The following TMEM183A variants were observed in gnomAD, a reference collection of about 807,000 sequenced individuals.
The protein encoded by TMEM183A is chromosome 1 open reading frame 37.
In TMEM183A, 21 loss-of-function variants were observed where a neutral mutation model predicts 46.7. The observed-to-expected ratio is 0.45, with a 90% CI of 0.32 to 0.65. TMEM183A has a LOEUF of 0.65. Among genes scored for constraint, TMEM183A ranks in the 30% least tolerant of loss-of-function variants. The pLI is 0.04. For synonymous variants in TMEM183A, 165 were observed against 180.2 expected (o/e 0.92, Z 0.68); for missense variants, 331 against 481.9 (o/e 0.69, Z 2.93).
In TMEM183A at chr1:203,007,497, C is replaced by T. The variant is rs893881558; in HGVS notation, c.32C>T (p.Pro11Leu). 2.6e-6 allele frequency: 4 copies of T among 1,517,478 alleles called. No individual in the cohort carries two copies. The highest frequency in any genetic ancestry group is 1.2e-5 in the South Asian group (1 of 83,238). The allele number at this position is 1,517,478 out of a possible 1,614,324, so 94.0% of individuals were successfully genotyped here. Residue 11 changes from proline to leucine, a missense_variant, in exon 1 of 8, where the codon CCT becomes CTT. Pro to Leu is a moderately conservative substitution (Grantham distance 98). Around this residue, in one of 2 missense-constraint regions of TMEM183A, gnomAD observed 98 missense variants for 96.1 expected, o/e 1.02. Transcript: ENST00000367242. The part of the protein sequence containing the change: MARGPGPLGR[P>L]RPDTVAMPKR... Reference sequence around the variant, plus strand: ...CGGGGGCCCGGCCCGCTAGGCAGGCCTCGCCCCGATACGGTCGCCATGCCC... The same window carrying T: ...CGGGGGCCCGGCCCGCTAGGCAGGCTTCGCCCCGATACGGTCGCCATGCCC...
chr1:203,017,119 G>A (rs905942687), intron 5 of TMEM183A, among the ~76,000 whole-genome samples: 1 of 152,142 alleles, frequency 6.6e-6, no homozygotes. Context: ...AGGGCTGTTG[G>A]CTGAGCTCAA....
intron 3 of TMEM183A, among the ~76,000 whole-genome samples, chr1:203,012,969 CT>C (rs1190794850): frequency 1.3e-5 from 2 of 152,226 alleles, no homozygotes; most frequent in African/African-American, 2.4e-5. Context: ...ATCCTCCCAC[CT>C]TGGCCTCCCA....
In TMEM183A at chr1:203,018,531, G is replaced by A. The variant is rs1006267263; in HGVS notation, c.759G>A (p.Met253Ile). 3.1e-6 allele frequency: 5 copies of A among 1,613,436 alleles called. No individual in the cohort carries two copies. The Admixed American group carries it at 8.3e-5, about 27-fold the overall frequency. The change falls in exon 6 of 8, where the codon ATG (methionine) becomes ATA (isoleucine). Residue 253 changes from methionine to isoleucine, a missense_variant. This residue lies in a region of TMEM183A where 233 missense variants were observed against 385.8 expected (regional missense o/e 0.60). Transcript: ENST00000367242. ...RKIVGNRQEP[M>I]WEFNFKFKKQ... is the part of the protein sequence containing the mutation. ...TTGTTGGGAACAGACAGGAACCAAT[G>A]TGGGAATTCAACTTCAAGTTCAAAA...
intron 3 of TMEM183A, among the ~76,000 whole-genome samples, chr1:203,009,765 T>TAAGC (rs1251335941): frequency 6.6e-6 from 1 of 152,182 alleles, no homozygotes; most frequent in African/African-American, 2.4e-5. Flanking sequence ...ATTACAGGCA[T>TAAGC]AAGCTACCAT....
chr1:203,012,160 A>T (rs896344332), intron 3 of TMEM183A, among the ~76,000 whole-genome samples: 3 of 127,444 alleles, frequency 2.4e-5, no homozygotes, highest in Non-Finnish European at 3.4e-5. Context: ...ACACACACAC[A>T]CACACACACA....
intron 2 of TMEM183A, among the ~76,000 whole-genome samples, 190 bp from the exon 3 acceptor site, chr1:203,008,453 C>CTTTTT (rs35395088): frequency 3.5e-4 from 37 of 106,092 alleles, no homozygotes; most frequent in African/African-American, 1.1e-3. Flanking sequence ...CATTGCTTTC[C>CTTTTT]TTTTTTTTTT....
chr1:203,017,175 C>T (rs1657244687), intron 5 of TMEM183A, among the ~76,000 whole-genome samples: 3 of 151,966 alleles, frequency 2.0e-5, no homozygotes, highest in Admixed American at 1.3e-4. Flanking sequence ...AGTAGAATGC[C>T]GGGAGAGTAG....
Position 203,022,132 on chromosome 1 carries a change from A to G in TMEM183A, c.946-723A>G, listed in dbSNP as rs556791411. On this transcript the variant is annotated intron_variant, in intron 7 of 7. Transcript: ENST00000367242. ...TCCATGCTGGAGTGCCGTGGTGCGCAGTCTCGGCTCCCTGCAACCTCTGTC... is the reference window on the plus strand; with the variant it reads ...TCCATGCTGGAGTGCCGTGGTGCGCGGTCTCGGCTCCCTGCAACCTCTGTC... 2.0e-5 allele frequency among the ~76,000 whole-genome samples: 3 copies of G among 152,114 alleles called. No homozygotes were observed. The East Asian group carries it at 5.8e-4, about 30-fold the overall frequency.
intron 7 of TMEM183A, among the ~76,000 whole-genome samples, chr1:203,022,424 T>G (rs1571627449): frequency 6.6e-6 from 1 of 152,074 alleles, no homozygotes; most frequent in East Asian, 2.0e-4. Context: ...AAAGGTTGGC[T>G]GGGCGTGGTG....
intron 2 of TMEM183A, among the ~76,000 whole-genome samples, chr1:203,008,381 TAC>T (rs1558034263): frequency 6.6e-6 from 1 of 152,124 alleles, no homozygotes; most frequent in Non-Finnish European, 1.5e-5. Context: ...GGAAAAATTG[TAC>T]ACACCTTTTT....
At position 203,011,942 on chromosome 1, in the gene TMEM183A, T is replaced by C. The variant is rs10920545; in HGVS notation, c.368-2947T>C. On this transcript the variant is annotated intron_variant, in intron 3 of 7. Transcript: ENST00000367242. ...GCAGGTATAATGTATTTTTCTTCTT[T>C]TTTTAAAAGCCTTTTTTTTAATGAA... 1.7e-3 allele frequency among the ~76,000 whole-genome samples: 261 copies of C among 151,882 alleles called. 2 individuals are homozygous for C. In the East Asian group the frequency reaches 0.038, roughly 22 times the overall value.
Position 203,024,006 on chromosome 1 carries a change from A to G in TMEM183A, c.*966A>G, listed in dbSNP as rs1381980116. 6.6e-6 allele frequency: 1 copy of G among 152,244 alleles called. No homozygotes were observed. The highest frequency in any genetic ancestry group is 1.5e-5 in the Non-Finnish European group (1 of 68,044). 9.4% of individuals were successfully genotyped at this position (152,244 alleles called of 1,614,324 possible). On this transcript the variant is annotated 3_prime_UTR_variant, in exon 8 of 8. Transcript: ENST00000367242. ...GAAGATTGATGAAATGATCTTTTAA[A>G]TATGTATTTCTGAATAAAATGTAAA...
intron 5 of TMEM183A, among the ~76,000 whole-genome samples, chr1:203,016,965 A>G (rs1237644916): frequency 1.3e-5 from 2 of 152,020 alleles, no homozygotes; most frequent in Admixed American, 6.6e-5. Context: ...GTTTGTTTTT[A>G]TGGTATTGCA....
intron 7 of TMEM183A, among the ~76,000 whole-genome samples, chr1:203,022,057 A>C (rs890310969): frequency 6.6e-6 from 1 of 152,038 alleles, no homozygotes; most frequent in Admixed American, 6.5e-5. Flanking sequence ...AGATTGTGTC[A>C]TATATACAGT....
intron 3 of TMEM183A, among the ~76,000 whole-genome samples, chr1:203,009,587 T>TC (rs1444041743): frequency 1.3e-5 from 2 of 152,076 alleles, no homozygotes; most frequent in South Asian, 2.1e-4. Context: ...GCTTAAGCGA[T>TC]CCCCCCATCT....
chr1:203,022,904 T>C lies in TMEM183A; in HGVS notation c.995T>C (p.Val332Ala). 6 of 1,613,532 alleles carry C rather than the reference T, an allele frequency of 3.7e-6. No homozygotes were observed. The highest frequency in any genetic ancestry group is 4.2e-6 in the Non-Finnish European group (5 of 1,179,768). The change falls in exon 8 of 8, where the codon GTG becomes GCG. Residue 332 changes from valine (V) to alanine (A), a missense_variant. Around this residue, in one of 2 missense-constraint regions of TMEM183A, gnomAD observed 233 missense variants for 385.8 expected, o/e 0.60. Transcript: ENST00000367242. ...TDMRHHRVRL[V>A]FQDSPVHGGR... is the part of the protein sequence containing the mutation. ...ATGCGGCATCATCGAGTGAGACTGG[T>C]GTTCCAAGATTCCCCTGTCCATGGT...
At chr1:203,022,763 G>T in intron 7 of TMEM183A, 92 bp from the exon 8 acceptor site, 1 of 1,531,596 alleles carries the variant, frequency 6.5e-7, no homozygotes, top group Non-Finnish European at 9.0e-7. Flanking sequence ...GGCCTAGCCA[G>T]TATAAATTAG....
chr1:203,018,706 C>A, intron 6 of TMEM183A, 145 bp downstream of exon 6: 1 of 958,162 alleles, frequency 1.0e-6, no homozygotes, highest in East Asian at 2.6e-5. Flanking sequence ...CTTAACAGTT[C>A]TGGAGGCTGG....
chr1:203,009,624 G>C (rs1656352770), intron 3 of TMEM183A, among the ~76,000 whole-genome samples: 1 of 152,112 alleles, frequency 6.6e-6, no homozygotes, highest in African/African-American at 2.4e-5. Flanking sequence ...TGGGACTACA[G>C]GTGCTATGCC....
Sources: allele counts gnomAD v4.1 joint callset (sites outside exome capture counted in the v4.1 genomes callset), GRCh38; gene constraint gnomAD v4.1.1; regional missense constraint gnomAD v4.1.1; transcripts MANE v1.5; gene names NCBI Gene and HGNC (gene_info 2026-07-23, HGNC 2026-07-21).